Variants in GSG1L observed in about 807,000 individuals in gnomAD.
The protein encoded by GSG1L is GSG1 like, also known as germ cell-specific gene 1-like protein.
Under a neutral mutation model 42.1 loss-of-function variants are expected in GSG1L, and 24 were observed. The ratio of observed to expected loss-of-function variants is 0.57; its 90% confidence interval spans 0.41 to 0.80. GSG1L has a LOEUF of 0.80. Ranked by LOEUF, GSG1L falls within the 30% of genes least tolerant of loss-of-function variation. GSG1L has a pLI of 0.00. For missense variants in GSG1L, 445 were observed against 472.2 expected (o/e 0.94, Z 0.53); for synonymous variants, 215 against 203.5 (o/e 1.06, Z -0.48).
chr16:27,844,312 A>G (rs905183308), intron 4 of GSG1L, among the ~76,000 whole-genome samples: 1 of 152,142 alleles, frequency 6.6e-6, no homozygotes, highest in Non-Finnish European at 1.5e-5. Context: ...TTTCATATGC[A>G]AACCCTGCTT....
At chr16:28,032,714 C>G (rs2085980077) in intron 1 of GSG1L, among the ~76,000 whole-genome samples, 1 of 152,206 alleles carries the variant, frequency 6.6e-6, no homozygotes, top group African/African-American at 2.4e-5. Context: ...ACAACCATCT[C>G]TTCAGGCCAA....
chr16:27,829,480 AAAGTT>A (rs1374944095), intron 4 of GSG1L, among the ~76,000 whole-genome samples: 1 of 152,192 alleles, frequency 6.6e-6, no homozygotes, highest in African/African-American at 2.4e-5. Flanking sequence ...ATTTTTTATG[AAAGTT>A]AAGTTACCTT....
chr16:27,929,936 T>C (rs906495396), intron 2 of GSG1L, among the ~76,000 whole-genome samples: 37 of 152,136 alleles, frequency 2.4e-4, no homozygotes, highest in Admixed American at 2.0e-4. Context: ...GCCCAGATTA[T>C]ACCCTAGAAC....
chr16:28,046,734 G>T (rs1286643506), intron 1 of GSG1L, among the ~76,000 whole-genome samples: 2 of 152,052 alleles, frequency 1.3e-5, no homozygotes, highest in Non-Finnish European at 2.9e-5. Context: ...GCACTCTGGC[G>T]CATCAGCCTT....
intron 3 of GSG1L, among the ~76,000 whole-genome samples, chr16:27,865,667 C>T (rs1596566979): frequency 7.0e-6 from 1 of 142,674 alleles, no homozygotes; most frequent in Admixed American, 7.5e-5. Flanking sequence ...ATATATATAT[C>T]TGTTTGTGCC....
At chr16:27,844,043 A>C (rs2083416313) in intron 4 of GSG1L, among the ~76,000 whole-genome samples, 1 of 152,188 alleles carries the variant, frequency 6.6e-6, no homozygotes. Context: ...AGAGGAAGAG[A>C]ACTCAGCCCT....
chr16:28,053,096 A>G (rs1319375861), intron 1 of GSG1L, among the ~76,000 whole-genome samples: 2 of 152,154 alleles, frequency 1.3e-5, no homozygotes, highest in African/African-American at 4.8e-5. Context: ...TCTTCCAGAA[A>G]AGGATCCCCT....
chr16:27,997,398 C>A (rs944527785), intron 1 of GSG1L, among the ~76,000 whole-genome samples: 4 of 136,920 alleles, frequency 2.9e-5, no homozygotes, highest in Non-Finnish European at 4.6e-5. Context: ...CGGCTCACTG[C>A]AACCTCTGCT....
intron 5 of GSG1L, among the ~76,000 whole-genome samples, chr16:27,825,562 A>G (rs754278740): frequency 6.6e-5 from 10 of 152,180 alleles, no homozygotes; most frequent in Non-Finnish European, 1.5e-4. Context: ...TTGGGAGGCC[A>G]AGGAGGGAGG....
At chr16:28,021,053 A>G (rs2085836707) in intron 1 of GSG1L, among the ~76,000 whole-genome samples, 1 of 152,184 alleles carries the variant, frequency 6.6e-6, no homozygotes, top group South Asian at 2.1e-4. Flanking sequence ...TTTGGGGATG[A>G]TTTGTTAGGT....
At chr16:27,996,106 C>CCT (rs144993417) in intron 1 of GSG1L, among the ~76,000 whole-genome samples, 427 of 151,020 alleles carry the variant, frequency 2.8e-3, no homozygotes, top group Middle Eastern at 6.9e-3. Context: ...TAAACAGCGC[C>CCT]CTCTCTCTCT....
chr16:27,983,802 G>A (rs188868978), intron 1 of GSG1L, among the ~76,000 whole-genome samples: 8 of 152,276 alleles, frequency 5.3e-5, no homozygotes, highest in Admixed American at 5.2e-4. Context: ...TTCTATGGCT[G>A]ACACTGTGAG....
chr16:27,956,820 G>C (rs2085010877), intron 2 of GSG1L, among the ~76,000 whole-genome samples: 1 of 152,046 alleles, frequency 6.6e-6, no homozygotes, highest in Non-Finnish European at 1.5e-5. Context: ...AAAACTGTGT[G>C]AATGCCACTG....
intron 4 of GSG1L, among the ~76,000 whole-genome samples, chr16:27,838,786 G>C (rs1366970496): frequency 6.6e-6 from 1 of 152,184 alleles, no homozygotes; most frequent in Non-Finnish European, 1.5e-5. Context: ...GATGGGACTA[G>C]GAGCTGGATA....
chr16:27,851,319 C>T (rs889581351), intron 3 of GSG1L, among the ~76,000 whole-genome samples: 1 of 152,176 alleles, frequency 6.6e-6, no homozygotes, highest in Non-Finnish European at 1.5e-5. Context: ...GCCTCAGCCT[C>T]CAGAGTAGCT....
At chr16:27,925,827 C>G (rs1422053563) in intron 2 of GSG1L, among the ~76,000 whole-genome samples, 1 of 152,176 alleles carries the variant, frequency 6.6e-6, no homozygotes, top group African/African-American at 2.4e-5. Context: ...GAGGATCTAC[C>G]AAGAATAGGG....
intron 1 of GSG1L, among the ~76,000 whole-genome samples, chr16:27,993,276 G>A (rs912333428): frequency 6.6e-6 from 1 of 152,106 alleles, no homozygotes; most frequent in Non-Finnish European, 1.5e-5. Flanking sequence ...AGCCTCCCAA[G>A]TAGACAGGAC....
intron 4 of GSG1L, among the ~76,000 whole-genome samples, chr16:27,841,560 G>A (rs1248877830): frequency 6.6e-6 from 1 of 152,040 alleles, no homozygotes; most frequent in Non-Finnish European, 1.5e-5. Flanking sequence ...GGAGGCTCTC[G>A]GGCCAGGATT....
intron 1 of GSG1L, among the ~76,000 whole-genome samples, chr16:28,035,483 C>G (rs2086023124): frequency 1.3e-5 from 2 of 152,122 alleles, no homozygotes; most frequent in African/African-American, 4.8e-5. Flanking sequence ...TCACATAGAC[C>G]CAACTGATTT....
Sources: gnomAD v4.1 joint callset for allele counts (sites outside exome capture counted in the v4.1 genomes callset) on GRCh38, gnomAD v4.1.1 for gene constraint, MANE v1.5 for transcripts, NCBI Gene and HGNC (gene_info 2026-07-23, HGNC 2026-07-21) for gene names.